Variants in LIN28B observed in about 807,000 individuals in gnomAD.
LIN28B encodes the protein protein lin-28 homolog B.
LIN28B carries 5 observed loss-of-function variants against 21.9 expected under a neutral mutation model. The observed-to-expected ratio is 0.23, with a 90% CI of 0.12 to 0.48. The LOEUF is 0.48. Among genes scored for constraint, LIN28B ranks in the 20% least tolerant of loss-of-function variants. The probability of loss-of-function intolerance (pLI) is 0.98; values close to 1 mark genes in which losing one functional copy is unlikely to be tolerated. For missense variants in LIN28B, 245 were observed against 310.5 expected (o/e 0.79, Z 1.58); for synonymous variants, 109 against 111.3 (o/e 0.98, Z 0.13).
At chr6:104,961,815 G>C (rs926267460) in intron 2 of LIN28B, among the ~76,000 whole-genome samples, 1 of 152,260 alleles carries the variant, frequency 6.6e-6, no homozygotes, top group East Asian at 1.9e-4. Flanking sequence ...CAGTTAGATT[G>C]TAGGATAACA....
intron 2 of LIN28B, among the ~76,000 whole-genome samples, chr6:105,014,710 T>A (rs1770993762): frequency 6.6e-6 from 1 of 152,162 alleles, no homozygotes; most frequent in South Asian, 2.1e-4. Flanking sequence ...TGCCTGGGCT[T>A]CCCAGAGTGT....
In LIN28B at chr6:105,011,174, T is replaced by C. The variant is rs1385950609; in HGVS notation, c.199-15124T>C. 4.6e-5 allele frequency among the ~76,000 whole-genome samples: 7 copies of C among 152,118 alleles called. No individual in the cohort carries two copies. The East Asian group carries it at 1.3e-3, about 29-fold the overall frequency. ...CCCATTACAAAAAATTCAGTTTCCC[T>C]AACTAACATCAGTGTTCCTCCTTTT... On this transcript the variant is annotated intron_variant, in intron 2 of 3. Transcript: ENST00000345080.
intron 2 of LIN28B, among the ~76,000 whole-genome samples, chr6:104,959,359 T>A (rs1315289588): frequency 6.6e-6 from 1 of 152,240 alleles, no homozygotes; most frequent in Non-Finnish European, 1.5e-5. Flanking sequence ...GGTGAAATAT[T>A]TGGTATATTT....
At chr6:105,071,503 C>A (rs1170018843) in intron 3 of LIN28B, among the ~76,000 whole-genome samples, 1 of 151,984 alleles carries the variant, frequency 6.6e-6, no homozygotes, top group South Asian at 2.1e-4. Context: ...TAACTTTTTA[C>A]CAGTATGGAC....
chr6:104,990,973 CA>C (rs1294324460), intron 2 of LIN28B, among the ~76,000 whole-genome samples: 1 of 152,234 alleles, frequency 6.6e-6, no homozygotes, highest in Admixed American at 6.5e-5. Context: ...TCTACACAGA[CA>C]CAGCAACAAT....
chr6:104,987,364 C>A (rs985317584), intron 2 of LIN28B, among the ~76,000 whole-genome samples: 6 of 152,072 alleles, frequency 3.9e-5, no homozygotes, highest in African/African-American at 1.4e-4. Flanking sequence ...GCACTTATTT[C>A]TGGTGGGGAT....
At chr6:105,016,062 A>G (rs940323010) in intron 2 of LIN28B, among the ~76,000 whole-genome samples, 2 of 152,290 alleles carry the variant, frequency 1.3e-5, no homozygotes, top group East Asian at 1.9e-4. Flanking sequence ...CATTAATACC[A>G]TAGAAGTATA....
intron 2 of LIN28B, among the ~76,000 whole-genome samples, chr6:105,017,625 A>G (rs1033767603): frequency 6.6e-6 from 1 of 152,130 alleles, no homozygotes; most frequent in East Asian, 1.9e-4. Context: ...TATTCTAAGC[A>G]AATTAATGAG....
intron 2 of LIN28B, among the ~76,000 whole-genome samples, chr6:104,979,242 C>G (rs1770168473): frequency 6.6e-6 from 1 of 150,408 alleles, no homozygotes; most frequent in Admixed American, 6.6e-5. Context: ...CAGAATCTCA[C>G]TCTGTCGCCC....
chr6:105,053,714 C>CGTGTGTGTGTGGGTGCATGTGT (rs1771961868), intron 3 of LIN28B, among the ~76,000 whole-genome samples: 1 of 147,274 alleles, frequency 6.8e-6, no homozygotes, highest in Non-Finnish European at 1.5e-5. Flanking sequence ...TGTGTGGGTG[C>CGTGTGTGTGTGGGTGCATGTGT]GTGTGTGTGT....
At chr6:105,025,002 A>T (rs896359169) in intron 2 of LIN28B, among the ~76,000 whole-genome samples, 5 of 152,192 alleles carry the variant, frequency 3.3e-5, no homozygotes, top group African/African-American at 1.2e-4. Flanking sequence ...TTAATATGCT[A>T]ATATGAGTCT....
chr6:105,082,509 T>C lies in LIN28B; in HGVS notation c.*3726T>C, dbSNP rs1430025348. The C allele has an allele frequency of 6.6e-6, 1 of 152,658 alleles. No individual in the cohort carries two copies. The highest frequency in any genetic ancestry group is 2.4e-5 in the African/African-American group (1 of 41,462). The allele number at this position is 152,658 out of a possible 1,614,324, so 9.5% of individuals were successfully genotyped here. ...TCTAAGAAATGTTTATCATAAAATA[T>C]ATATGTGTATTTCCCCTTTGGTTAT... On this transcript the variant is annotated 3_prime_UTR_variant, in exon 4 of 4. Coordinates refer to ENST00000345080, the MANE Select transcript of LIN28B (RefSeq NM_001004317.4).
chr6:104,976,396 A>T (rs992982726), intron 2 of LIN28B, among the ~76,000 whole-genome samples: 1 of 152,228 alleles, frequency 6.6e-6, no homozygotes, highest in Non-Finnish European at 1.5e-5. Flanking sequence ...AACAAGGAAA[A>T]GAGCATTCTA....
intron 2 of LIN28B, among the ~76,000 whole-genome samples, chr6:105,017,072 CAAA>C (rs56179020): frequency 2.8e-3 from 240 of 86,012 alleles, no homozygotes; most frequent in African/African-American, 0.01. Flanking sequence ...GACTCTGTCT[CAAA>C]AAAAAAAAAA....
intron 3 of LIN28B, among the ~76,000 whole-genome samples, chr6:105,031,111 C>CT (rs1771413901): frequency 1.3e-5 from 2 of 151,798 alleles, no homozygotes; most frequent in South Asian, 4.2e-4. Context: ...GATATTTTGA[C>CT]TATGTAAATA....
chr6:105,014,877 A>T (rs1406388987), intron 2 of LIN28B, among the ~76,000 whole-genome samples: 1 of 152,006 alleles, frequency 6.6e-6, no homozygotes, highest in Non-Finnish European at 1.5e-5. Flanking sequence ...TGGTTTAAAA[A>T]TTTTTAAATT....
chr6:104,960,408 T>C (rs1769709111), intron 2 of LIN28B, among the ~76,000 whole-genome samples: 1 of 152,108 alleles, frequency 6.6e-6, no homozygotes, highest in Non-Finnish European at 1.5e-5. Flanking sequence ...ATTTTTATTA[T>C]TATTTTAGAG....
intron 3 of LIN28B, among the ~76,000 whole-genome samples, chr6:105,077,046 A>G (rs1399149821): frequency 6.6e-6 from 1 of 151,890 alleles, no homozygotes; most frequent in Non-Finnish European, 1.5e-5. Flanking sequence ...CCTGGCCAAC[A>G]TGGTGAAACC....
chr6:105,000,417 T>C (rs1350318954), intron 2 of LIN28B, among the ~76,000 whole-genome samples: 1 of 152,168 alleles, frequency 6.6e-6, no homozygotes, highest in Non-Finnish European at 1.5e-5. Context: ...TTTTCTAAAA[T>C]GAATGGGTAG....
Sources: gnomAD v4.1 joint callset for allele counts (sites outside exome capture counted in the v4.1 genomes callset) on GRCh38, gnomAD v4.1.1 for gene constraint, MANE v1.5 for transcripts, NCBI Gene and HGNC (gene_info 2026-07-23, HGNC 2026-07-21) for gene names.